The following NPY1R variants were observed in gnomAD, a reference collection of about 807,000 sequenced individuals.
The protein encoded by NPY1R is neuropeptide Y receptor type 1.
A neutral mutation model predicts 24.1 loss-of-function variants in NPY1R; 10 were observed. That is an observed-to-expected ratio of 0.42 (90% confidence interval 0.26 to 0.71). The LOEUF (loss-of-function observed/expected upper bound fraction) is 0.71. Among genes scored for constraint, NPY1R ranks in the 30% least tolerant of loss-of-function variants. NPY1R has a pLI of 0.28. For synonymous variants in NPY1R, 168 were observed against 165.9 expected, an observed-to-expected ratio of 1.01 and a Z score of -0.10; for missense variants, 350 against 458.0, an observed-to-expected ratio of 0.76 and a Z score of 2.15.
intron 1 of NPY1R, among the ~76,000 whole-genome samples, chr4:163,327,469 G>C (rs149645202): frequency 6.6e-6 from 1 of 152,140 alleles, no homozygotes; most frequent in Non-Finnish European, 1.5e-5. Context: ...AGGAACAAAA[G>C]TTTAGTAAAA....
Position 163,326,036 on chromosome 4 carries a change from G to T in NPY1R, c.519C>A (p.Phe173Leu). The change falls in exon 2 of 3, where the codon TTC becomes TTA. Residue 173 changes from phenylalanine (F) to leucine (L), a missense_variant. Phe to Leu is a conservative substitution (Grantham distance 22). Transcript: ENST00000296533. ...CATCAGTCATTACTTGGTAGATCAG[G>T]AAAGGCAAAGAAGAAGCCACAGCAA... ...WVLAVASSLP[F>L]LIYQVMTDEP... 6.2e-7 allele frequency: 1 copy of T among 1,614,056 alleles called. No individual in the cohort carries two copies. The highest frequency in any genetic ancestry group is 8.5e-7 in the Non-Finnish European group (1 of 1,179,964).
At chr4:163,329,432 C>A (rs779097013) in intron 1 of NPY1R, among the ~76,000 whole-genome samples, 1 of 151,962 alleles carries the variant, frequency 6.6e-6, no homozygotes, top group Non-Finnish European at 1.5e-5. Context: ...GAAACCTTGT[C>A]TCTACTAAAA....
intron 1 of NPY1R, among the ~76,000 whole-genome samples, chr4:163,342,981 GACACACACACACACACAC>G (rs142715363): frequency 7.2e-6 from 1 of 139,138 alleles, no homozygotes; most frequent in East Asian, 2.1e-4. Context: ...CTCTCTCACA[GACACACACACACACACAC>G]ACACACACAC....
upstream of NPY1R, among the ~76,000 whole-genome samples, chr4:163,334,773 C>T (rs1256921581): frequency 6.7e-6 from 1 of 149,396 alleles, no homozygotes; most frequent in Non-Finnish European, 1.5e-5. Flanking sequence ...GGCAGGAGAA[C>T]TGCTTGAACC....
At chr4:163,337,548 G>T (rs1055533242), upstream of NPY1R, among the ~76,000 whole-genome samples, 29 of 152,206 alleles carry the variant, frequency 1.9e-4, no homozygotes, top group Admixed American at 1.1e-3. Flanking sequence ...AGCCTGTCCC[G>T]CTGAGGTTTC....
At chr4:163,336,283 G>A (rs1734837786), upstream of NPY1R, among the ~76,000 whole-genome samples, 2 of 151,958 alleles carry the variant, frequency 1.3e-5, no homozygotes. Context: ...TATACTTTCA[G>A]ATACCCTTTA....
At chr4:163,336,232 C>A (rs1286958525), upstream of NPY1R, among the ~76,000 whole-genome samples, 1 of 152,086 alleles carries the variant, frequency 6.6e-6, no homozygotes, top group Non-Finnish European at 1.5e-5. Context: ...CAAGTAGGAT[C>A]TTAAAATTTA....
At position 163,325,706 on chromosome 4, in the gene NPY1R, T is replaced by C. The variant is rs150716145; in HGVS notation, c.752A>G (p.Asn251Ser). 84 of 1,603,036 alleles carry C rather than the reference T, an allele frequency of 5.2e-5. No individual in the cohort carries two copies. Among genetic ancestry groups the C allele is most frequent in the Middle Eastern group, 3.3e-4 (2 of 6,074 alleles). The change falls in exon 3 of 3, where the codon AAT (asparagine) becomes AGT (serine). Residue 251 changes from asparagine (N) to serine (S), a missense_variant. Coordinates refer to ENST00000296533, the MANE Select transcript of NPY1R (RefSeq NM_000909.6). Reference protein sequence around the residue: ...RNNMMDKMRDNKYRSSETKRI... With the variant: ...RNNMMDKMRDSKYRSSETKRI... ...TTTGGTTTCACTGGACCTGTACTTA[T>C]TGTCTCTCATCTTGTCCATCATGTT...
chr4:163,337,143 A>C (rs1734857343), upstream of NPY1R, among the ~76,000 whole-genome samples: 1 of 152,196 alleles, frequency 6.6e-6, no homozygotes, highest in Non-Finnish European at 1.5e-5. Flanking sequence ...AGATACAAAT[A>C]CATCTAGAAA....
At chr4:163,343,012 A>G (rs71639381) in intron 1 of NPY1R, among the ~76,000 whole-genome samples, 4,404 of 76,584 alleles carry the variant, frequency 0.058, 119 homozygotes, top group Non-Finnish European at 0.084. Flanking sequence ...ACACACACAC[A>G]CACACACGCG....
Position 163,325,913 on chromosome 4 carries a change from G to A in NPY1R, c.642C>T (p.Leu214=), listed in dbSNP as rs80115214. ...SDSHRLSYTT[L]LLVLQYFGPL... is the part of the protein sequence containing the mutation. The stretch of plus-strand genomic sequence containing the variant: ...GACCAAAATACTGCAGCACCAAGAG[G>A]AGAGTGGTATAAGACAACCTATGAG... The change falls in exon 2 of 3, where the codon CTC becomes CTT. Residue 214 remains leucine, a synonymous_variant. Transcript: ENST00000296533. 5.1e-5 allele frequency: 82 copies of A among 1,613,964 alleles called. No individual in the cohort carries two copies. The highest frequency in any genetic ancestry group is 4.2e-5 in the Non-Finnish European group (49 of 1,179,970).
intron 1 of NPY1R, among the ~76,000 whole-genome samples, chr4:163,329,032 A>C (rs146344228): frequency 6.7e-4 from 102 of 152,364 alleles, no homozygotes; most frequent in African/African-American, 2.4e-3. Flanking sequence ...GTCCTTGAAC[A>C]GGCAAAATGT....
intron 1 of NPY1R, among the ~76,000 whole-genome samples, chr4:163,339,515 T>G (rs949774205): frequency 6.6e-6 from 1 of 152,142 alleles, no homozygotes; most frequent in African/African-American, 2.4e-5. Flanking sequence ...TTTCATCTCT[T>G]AAACTTAGGA....
chr4:163,335,357 T>C (rs535143069), upstream of NPY1R, among the ~76,000 whole-genome samples: 161 of 152,348 alleles, frequency 1.1e-3, no homozygotes, highest in African/African-American at 3.7e-3. Flanking sequence ...TCTGTAAATC[T>C]AAGTTTTGTA....
chr4:163,340,861 TA>T (rs1734963352), intron 1 of NPY1R, among the ~76,000 whole-genome samples: 1 of 152,126 alleles, frequency 6.6e-6, no homozygotes, highest in South Asian at 2.1e-4. Context: ...TATTTGCTAG[TA>T]AAAATAATTA....
chr4:163,325,769 A>G lies in NPY1R; in HGVS notation c.700-11T>C. On this transcript the variant is annotated splice_polypyrimidine_tract_variant and intron_variant, in intron 2 of 2. Transcript: ENST00000296533. The stretch of plus-strand genomic sequence containing the variant: ...TAGGCGTATATATATCTATGGAAGA[A>G]AAAAGTTTAAATAGAAACACTCATT... 1 of 1,570,062 alleles carries G rather than the reference A, an allele frequency of 6.4e-7. No homozygotes were observed. Among genetic ancestry groups the G allele is most frequent in the Non-Finnish European group, 8.7e-7 (1 of 1,152,656 alleles).
rs949116410 is a variant in NPY1R, at chr4:163,325,762, T to C, written c.700-4A>G. 6.3e-7 allele frequency: 1 copy of C among 1,577,562 alleles called. No homozygotes were observed. The highest frequency in any genetic ancestry group is 8.6e-7 in the Non-Finnish European group (1 of 1,159,586). On this transcript the variant is annotated splice_region_variant and splice_polypyrimidine_tract_variant and intron_variant, in intron 2 of 2. Transcript: ENST00000296533. The stretch of plus-strand genomic sequence containing the variant: ...TCCTTTTTAGGCGTATATATATCTA[T>C]GGAAGAAAAAAGTTTAAATAGAAAC...
intron 1 of NPY1R, among the ~76,000 whole-genome samples, chr4:163,343,027 C>CGA (rs1735044404): frequency 1.4e-5 from 2 of 140,138 alleles, no homozygotes; most frequent in East Asian, 2.2e-4. Context: ...CACGCGCGCG[C>CGA]GCCTAAAGTA....
At chr4:163,332,413 T>G (rs1051775459) in intron 1 of NPY1R, 69 bp downstream of exon 1, 1 of 152,208 alleles carries the variant, frequency 6.6e-6, no homozygotes. Context: ...TTTCTTCCCC[T>G]CTCATCCTTC....
Sources: allele counts gnomAD v4.1 joint callset (sites outside exome capture counted in the v4.1 genomes callset), GRCh38; gene constraint gnomAD v4.1.1; transcripts MANE v1.5; gene names NCBI Gene and HGNC (gene_info 2026-07-23, HGNC 2026-07-21).